Variants in UGT1A8 observed in about 807,000 individuals in gnomAD.
UGT1A8 encodes the protein UDP glucuronosyltransferase family 1 member A8, also known as UDP-glucuronosyltransferase 1A8.
Under a neutral mutation model 45.3 loss-of-function variants are expected in UGT1A8, and 39 were observed. That is an observed-to-expected ratio of 0.86 (90% CI 0.67 to 1.12). The LOEUF (loss-of-function observed/expected upper bound fraction) is 1.12, where lower values mean the gene tolerates loss of function less well. Ranked by LOEUF, UGT1A8 falls within the 50% of genes most tolerant of loss-of-function variation. The pLI, the probability that UGT1A8 is intolerant of heterozygous loss-of-function variation, is 0.00. For synonymous variants in UGT1A8, 275 were observed against 249.2 expected (o/e 1.10, Z -0.97); for missense variants, 719 against 664.9 (o/e 1.08, Z -0.90).
At chr2:233,657,257 GT>G (rs968085622) in intron 1 of UGT1A8, among the ~76,000 whole-genome samples, 1 of 152,228 alleles carries the variant, frequency 6.6e-6, no homozygotes, top group Non-Finnish European at 1.5e-5. Flanking sequence ...TGGCGGTTTA[GT>G]TTTTTTGTGT....
chr2:233,671,847 G>T, intron 1 of UGT1A8: 3 of 1,494,270 alleles, frequency 2.0e-6, no homozygotes, highest in South Asian at 2.9e-5. Flanking sequence ...CCCTCTATTG[G>T]GGTCAGGTTT....
chr2:233,693,544 T>C (rs888897254), intron 1 of UGT1A8: 2 of 1,614,184 alleles, frequency 1.2e-6, no homozygotes, highest in Admixed American at 3.3e-5. Context: ...CCCTGGAGCA[T>C]ACATTCAGCA....
chr2:233,741,020 G>A (rs946824154), intron 1 of UGT1A8: 9 of 151,702 alleles, frequency 5.9e-5, no homozygotes, highest in Admixed American at 3.3e-4. Context: ...CCAGGAATTC[G>A]TGGTTACAGT....
rs1308023181 is a variant in UGT1A8, at chr2:233,747,199, G to A, written c.856-19835G>A. 45 of 1,604,092 alleles carry A rather than the reference G, an allele frequency of 2.8e-5. 2 individuals carry two copies. The highest frequency in any genetic ancestry group is 8.8e-5 in the South Asian group (8 of 90,422). On this transcript the variant is annotated intron_variant, in intron 1 of 4. Coordinates refer to ENST00000373450, the MANE Select transcript of UGT1A8 (RefSeq NM_019076.5). Reference sequence around the variant, plus strand: ...GCGTGGGGTGGACAGTCAGCTGTCCGTGTCTTCTGCTGAGATGGCCACAGG... The same window carrying A: ...GCGTGGGGTGGACAGTCAGCTGTCCATGTCTTCTGCTGAGATGGCCACAGG...
intron 1 of UGT1A8, among the ~76,000 whole-genome samples, chr2:233,735,627 A>T (rs1296033984): frequency 1.3e-5 from 2 of 152,164 alleles, no homozygotes; most frequent in Non-Finnish European, 2.9e-5. Flanking sequence ...ACAATTTGGC[A>T]TGTTTTTGCA....
chr2:233,689,898 G>A (rs989721018), intron 1 of UGT1A8: 8 of 456,472 alleles, frequency 1.8e-5, no homozygotes, highest in African/African-American at 1.6e-4. Context: ...TTATTTCTCA[G>A]GGCCAGGTAG....
chr2:233,698,691 TA>T (rs937682275), intron 1 of UGT1A8, among the ~76,000 whole-genome samples: 1 of 152,038 alleles, frequency 6.6e-6, no homozygotes, highest in Non-Finnish European at 1.5e-5. Flanking sequence ...AATACATTTC[TA>T]AAAAAAATGT....
intron 1 of UGT1A8, among the ~76,000 whole-genome samples, chr2:233,626,234 A>G (rs1269605474): frequency 6.6e-6 from 1 of 152,020 alleles, no homozygotes; most frequent in Admixed American, 6.6e-5. Context: ...ATAAGGGTTC[A>G]TGTTGTAATA....
chr2:233,680,631 A>T (rs750605409), intron 1 of UGT1A8, among the ~76,000 whole-genome samples: 3 of 152,164 alleles, frequency 2.0e-5, no homozygotes, highest in African/African-American at 4.8e-5. Flanking sequence ...ATGCAATGAG[A>T]ATTCCCATGG....
Position 233,772,687 on chromosome 2 carries a change from A to G in UGT1A8, c.*128A>G. 2 of 1,493,882 alleles carry G rather than the reference A, an allele frequency of 1.3e-6. No homozygotes were observed. Among genetic ancestry groups the G allele is most frequent in the South Asian group, 2.6e-5 (2 of 76,070 alleles). The allele number at this position is 1,493,882 out of a possible 1,614,324, so 92.5% of individuals were successfully genotyped here. On this transcript the variant is annotated 3_prime_UTR_variant, in exon 5 of 5. Coordinates refer to ENST00000373450, the MANE Select transcript of UGT1A8 (RefSeq NM_019076.5). ...TACTTTGCATAAATTAATCAGCCCC[A>G]GAGTGCTTTAAAAAATTCTCTTAAA...
chr2:233,754,991 G>C (rs1247616121), intron 1 of UGT1A8: 1 of 1,294,814 alleles, frequency 7.7e-7, no homozygotes, highest in African/African-American at 1.5e-5. Context: ...CGGGGTCACG[G>C]AAGCTGAAGA....
At position 233,618,454 on chromosome 2, in the gene UGT1A8, A is replaced by G. The variant is rs748587135; in HGVS notation, c.747A>G (p.Ser249=). The change falls in exon 1 of 5, where the codon TCA becomes TCG. Residue 249 remains serine (S), a synonymous_variant. Coordinates refer to ENST00000373450, the MANE Select transcript of UGT1A8 (RefSeq NM_019076.5). ...VTAYDLYSHT[S]IWLLRTDFVL... ...CATATGATCTCTACAGCCACACATC[A>G]ATTTGGTTGTTGCGAACAGACTTTG... is the stretch of plus-strand genomic sequence containing the variant. The G allele has an allele frequency of 2.5e-6, 4 of 1,613,722 alleles. No individual in the cohort carries two copies. Among genetic ancestry groups the G allele is most frequent in the Non-Finnish European group, 3.4e-6 (4 of 1,179,802 alleles).
chr2:233,741,352 A>G (rs1236663413), intron 1 of UGT1A8, among the ~76,000 whole-genome samples: 1 of 151,742 alleles, frequency 6.6e-6, no homozygotes, highest in African/African-American at 2.4e-5. Context: ...TCCAACACAC[A>G]AAACCACAAT....
intron 1 of UGT1A8, among the ~76,000 whole-genome samples, chr2:233,725,333 T>C (rs2077437851): frequency 7.8e-6 from 1 of 128,680 alleles, no homozygotes; most frequent in Non-Finnish European, 1.7e-5. Context: ...GTCAACAATC[T>C]TAAGTCCAAT....
chr2:233,685,081 A>T (rs2074721609), intron 1 of UGT1A8, among the ~76,000 whole-genome samples: 1 of 152,106 alleles, frequency 6.6e-6, no homozygotes, highest in African/African-American at 2.4e-5. Context: ...TTTTTTTCTG[A>T]AAGGTTTCCT....
intron 1 of UGT1A8, among the ~76,000 whole-genome samples, chr2:233,737,102 G>T (rs992623703): frequency 6.6e-6 from 1 of 152,236 alleles, no homozygotes; most frequent in Non-Finnish European, 1.5e-5. Context: ...TAAGTCTGCT[G>T]TTCCCCACAT....
intron 1 of UGT1A8, among the ~76,000 whole-genome samples, chr2:233,764,766 A>C (rs1389982241): frequency 6.6e-6 from 1 of 152,156 alleles, no homozygotes; most frequent in Non-Finnish European, 1.5e-5. Flanking sequence ...CTAGGGAGGA[A>C]GGAGTTCAGA....
chr2:233,768,836 G>A (rs543894216), intron 4 of UGT1A8, among the ~76,000 whole-genome samples: 3 of 151,834 alleles, frequency 2.0e-5, no homozygotes, highest in African/African-American at 7.3e-5. Flanking sequence ...CACCTGCCTC[G>A]GCCTGCCAAA....
intron 1 of UGT1A8, among the ~76,000 whole-genome samples, chr2:233,700,884 C>T (rs1424679595): frequency 6.6e-6 from 1 of 151,996 alleles, no homozygotes; most frequent in Admixed American, 6.6e-5. Flanking sequence ...CCCCCCACCC[C>T]ACAACAGTCC....
Sources: gnomAD v4.1 joint callset for allele counts (sites outside exome capture counted in the v4.1 genomes callset) on GRCh38, gnomAD v4.1.1 for gene constraint, MANE v1.5 for transcripts, NCBI Gene and HGNC (gene_info 2026-07-23, HGNC 2026-07-21) for gene names.